Variants in ALAD observed in about 807,000 individuals in gnomAD.
ALAD encodes aminolevulinate dehydratase.
In ALAD, 20 loss-of-function variants were observed where a neutral mutation model predicts 44.4. The ratio of observed to expected loss-of-function variants is 0.45; its 90% CI spans 0.32 to 0.65. The LOEUF is 0.65. Ranked by LOEUF, ALAD falls within the 30% of genes least tolerant of loss-of-function variation. The pLI, the probability that ALAD is intolerant of heterozygous loss-of-function variation, is 0.05. For missense variants in ALAD, 323 were observed against 445.7 expected (o/e 0.72, Z 2.48); for synonymous variants, 156 against 167.9 (o/e 0.93, Z 0.55).
chr9:113,388,167 G>A lies in ALAD; in HGVS notation c.*133C>T, dbSNP rs1047749492. Reference sequence around the variant, plus strand: ...CTGGCAAAACCACCCAGGGCTGCTGGGCCCCGCTAGCATGTGAGCAGGAAG... The same window carrying A: ...CTGGCAAAACCACCCAGGGCTGCTGAGCCCCGCTAGCATGTGAGCAGGAAG... On this transcript the variant is annotated 3_prime_UTR_variant, in exon 12 of 12. Coordinates refer to ENST00000409155, the MANE Select transcript of ALAD (RefSeq NM_000031.6). 3 of 956,744 alleles carry A rather than the reference G, an allele frequency of 3.1e-6. No individual in the cohort carries two copies. The Admixed American group carries it at 5.5e-5, about 18-fold the overall frequency. 59.3% of individuals were successfully genotyped at this position (956,744 alleles called of 1,614,324 possible).
intron 1 of ALAD, among the ~76,000 whole-genome samples, chr9:113,400,685 G>T (rs1458204389): frequency 6.6e-6 from 1 of 152,068 alleles, no homozygotes; most frequent in Non-Finnish European, 1.5e-5. Flanking sequence ...TAGCAGGCGT[G>T]GTGGCACACG....
intron 1 of ALAD, among the ~76,000 whole-genome samples, chr9:113,394,539 A>C (rs1292916212): frequency 6.6e-6 from 1 of 151,880 alleles, no homozygotes; most frequent in Non-Finnish European, 1.5e-5. Context: ...CGTCTCTAAA[A>C]AAAAATAATA....
At chr9:113,392,815 CTTT>C (rs34148636) in intron 2 of ALAD, among the ~76,000 whole-genome samples, 4 of 113,068 alleles carry the variant, frequency 3.5e-5, no homozygotes, top group African/African-American at 1.4e-4. Flanking sequence ...ATTGCCATCT[CTTT>C]TTTTTTTTTT....
At chr9:113,389,174 C>A in intron 10 of ALAD, 68 bp from the exon 11 acceptor site, 1 of 1,597,138 alleles carries the variant, frequency 6.3e-7, no homozygotes, top group East Asian at 2.3e-5. Context: ...GCGTCCCTTC[C>A]CCCCTGCTCA....
At chr9:113,392,078 C>T in intron 3 of ALAD, 41 bp downstream of exon 3, 1 of 1,546,778 alleles carries the variant, frequency 6.5e-7, no homozygotes, top group Non-Finnish European at 8.8e-7. Context: ...TGGAATCTCT[C>T]CCTCCACCAC....
rs374260406 is a variant in ALAD at position 113,390,687 on chromosome 9, G to C, written c.398-11C>G. 1 of 1,612,938 alleles carries C rather than the reference G, an allele frequency of 6.2e-7. No homozygotes were observed. On this transcript the variant is annotated splice_polypyrimidine_tract_variant and intron_variant, in intron 5 of 11. Coordinates refer to ENST00000409155, the MANE Select transcript of ALAD (RefSeq NM_000031.6). ...TTTCACTCAGGAGCCCTTCAGGACAGATGACTGGGTTTTGGGGAGCACCTT... is the reference window on the plus strand; with the variant it reads ...TTTCACTCAGGAGCCCTTCAGGACACATGACTGGGTTTTGGGGAGCACCTT...
chr9:113,392,937 C>G (rs550855847), intron 2 of ALAD, among the ~76,000 whole-genome samples: 1 of 151,748 alleles, frequency 6.6e-6, no homozygotes, highest in Admixed American at 6.6e-5. Flanking sequence ...CCTGCCTCAG[C>G]CTCCCAAGTA....
intron 4 of ALAD, 114 bp from the exon 5 acceptor site, chr9:113,391,047 C>T (rs1588083869): frequency 2.8e-6 from 4 of 1,422,122 alleles, no homozygotes; most frequent in Non-Finnish European, 1.9e-6. Context: ...TCATCACAGC[C>T]CCTGGATAAG....
rs751779865 is a variant in ALAD, at chr9:113,390,471, C to T, written c.504G>A (p.Ser168=). ...AKAGCQVVAP[S]DMMDGRVEAI... Reference sequence around the variant, plus strand: ...CTTCCACGCGTCCATCCATCATGTCCGACGGGGCTACCACCTGACATCCTG... The same window carrying T: ...CTTCCACGCGTCCATCCATCATGTCTGACGGGGCTACCACCTGACATCCTG... Residue 168 remains serine, a synonymous_variant, in exon 7 of 12, where the codon TCG becomes TCA. Coordinates refer to ENST00000409155, the MANE Select transcript of ALAD (RefSeq NM_000031.6). 17 of 1,614,158 alleles carry T rather than the reference C, an allele frequency of 1.1e-5. No individual in the cohort carries two copies. The highest frequency in any genetic ancestry group is 2.2e-5 in the East Asian group (1 of 44,874).
At chr9:113,395,101 A>AT (rs1206200254) in intron 1 of ALAD, among the ~76,000 whole-genome samples, 1 of 152,080 alleles carries the variant, frequency 6.6e-6, no homozygotes, top group Non-Finnish European at 1.5e-5. Flanking sequence ...TGGGACATGG[A>AT]TTTTTTGTTA....
intron 1 of ALAD, among the ~76,000 whole-genome samples, chr9:113,394,996 A>G (rs1402035620): frequency 6.6e-6 from 1 of 152,142 alleles, no homozygotes; most frequent in Non-Finnish European, 1.5e-5. Context: ...AGGAGGTTGC[A>G]GTAAGCCGAG....
rs569478025 is a variant in ALAD at position 113,388,026 on chromosome 9, C to T, written c.*274G>A. 6.1e-6 allele frequency: 3 copies of T among 494,904 alleles called. No homozygotes were observed. Among genetic ancestry groups the T allele is most frequent in the Non-Finnish European group, 7.4e-6 (2 of 270,792 alleles). 30.7% of individuals were successfully genotyped at this position (494,904 alleles called of 1,614,324 possible). A position where few individuals can be genotyped will look rare whatever the true frequency, so the allele number is the denominator to read the frequency against. On this transcript the variant is annotated 3_prime_UTR_variant, in exon 12 of 12. Coordinates refer to ENST00000409155, the MANE Select transcript of ALAD (RefSeq NM_000031.6). ...CCAGGTTGCTTTCAAGCTGAAGCCA[C>T]ACCAGAGGAAAGAGCTGAGGGTGGC...
At position 113,389,604 on chromosome 9, in the gene ALAD, C is replaced by T. The variant is rs1827513061; in HGVS notation, c.709G>A (p.Ala237Thr). Residue 237 changes from alanine (A) to threonine (T), a missense_variant, in exon 9 of 12, where the codon GCT becomes ACT. By Grantham distance (58) the Ala-to-Thr change is moderately conservative. Coordinates refer to ENST00000409155, the MANE Select transcript of ALAD (RefSeq NM_000031.6). Reference sequence around the variant, plus strand: ...CTCAAGTCCTAGTCACTCACCACAGCTCGGAGAGCCAGGCCTCGTGCTCCA... The same window carrying T: ...CTCAAGTCCTAGTCACTCACCACAGTTCGGAGAGCCAGGCCTCGTGCTCCA... Reference protein sequence around the residue: ...PPGARGLALRAVDRDVREGAD... With the variant: ...PPGARGLALRTVDRDVREGAD... 1 of 1,614,058 alleles carries T rather than the reference C, an allele frequency of 6.2e-7. No homozygotes were observed. The highest frequency in any genetic ancestry group is 1.1e-5 in the South Asian group (1 of 91,090).
At chr9:113,392,927 C>T (rs1254448463) in intron 2 of ALAD, among the ~76,000 whole-genome samples, 2 of 150,098 alleles carry the variant, frequency 1.3e-5, no homozygotes, top group African/African-American at 4.9e-5. Context: ...ACGCCATTCT[C>T]CTGCCTCAGC....
At chr9:113,388,681 G>C (rs370193554) in intron 11 of ALAD, among the ~76,000 whole-genome samples, 8 of 152,240 alleles carry the variant, frequency 5.3e-5, no homozygotes, top group African/African-American at 1.7e-4. Context: ...TTAATCCTCA[G>C]GACAACCACG....
intron 11 of ALAD, among the ~76,000 whole-genome samples, chr9:113,388,687 C>T (rs900150683): frequency 1.4e-4 from 22 of 152,214 alleles, no homozygotes; most frequent in African/African-American, 4.8e-4. Context: ...CTCAGGACAA[C>T]CACGCACCAG....
At chr9:113,389,977 G>T in intron 7 of ALAD, 149 bp from the exon 8 acceptor site, 1 of 947,946 alleles carries the variant, frequency 1.1e-6, no homozygotes, top group East Asian at 2.6e-5. Flanking sequence ...CCCTGCAGAG[G>T]CCCAGAGGTT....
chr9:113,389,584 G>C lies in ALAD; in HGVS notation c.714+15C>G, dbSNP rs771075750. 8 of 1,614,034 alleles carry C rather than the reference G, an allele frequency of 5.0e-6. No individual in the cohort carries two copies. The East Asian group carries it at 1.8e-4, about 36-fold the overall frequency. Reference sequence around the variant, plus strand: ...GGAGGGGGCTGAGGGTGGGGCTCAAGTCCTAGTCACTCACCACAGCTCGGA... The same window carrying C: ...GGAGGGGGCTGAGGGTGGGGCTCAACTCCTAGTCACTCACCACAGCTCGGA... On this transcript the variant is annotated intron_variant, in intron 9 of 11. Coordinates refer to ENST00000409155, the MANE Select transcript of ALAD (RefSeq NM_000031.6).
chr9:113,399,134 T>TC (rs1443431186), intron 1 of ALAD, among the ~76,000 whole-genome samples: 1 of 152,200 alleles, frequency 6.6e-6, no homozygotes, highest in African/African-American at 2.4e-5. Flanking sequence ...GGTCAGACAG[T>TC]CCCAGGTTTG....
Sources: allele counts gnomAD v4.1 joint callset (sites outside exome capture counted in the v4.1 genomes callset), GRCh38; gene constraint gnomAD v4.1.1; transcripts MANE v1.5; gene names NCBI Gene and HGNC (gene_info 2026-07-23, HGNC 2026-07-21).